Variants in CASK observed in about 807,000 individuals in gnomAD.
CASK encodes the protein calcium/calmodulin dependent serine protein kinase.
CASK carries 4 observed loss-of-function variants against 82.9 expected under a neutral mutation model. The ratio of observed to expected loss-of-function variants is 0.05; its 90% CI spans 0.02 to 0.11. The LOEUF (loss-of-function observed/expected upper bound fraction) is 0.11. CASK is among the 10% of genes least tolerant of loss of function. The probability of loss-of-function intolerance (pLI) is 1.00; values close to 1 mark genes in which losing one functional copy is unlikely to be tolerated. For synonymous variants in CASK, 259 were observed against 253.5 expected (o/e 1.02, Z -0.20); for missense variants, 358 against 720.9 (o/e 0.50, Z 5.76).
At position 41,531,093 on chromosome X, in the gene CASK, C is replaced by T. The variant is rs1235769310; in HGVS notation, c.2434G>A (p.Glu812Lys). ...AGTTTTGTCCCATACATCGCATCCT[C>T]GTGGCTGCCGTACTCCAAGTACTCG... ...NNEYLEYGSH[E>K]DAMYGTKLET... The change falls in exon 25 of 27, where the codon GAG becomes AAG. Residue 812 changes from glutamate (E) to lysine (K), a missense_variant. Around this residue, in one of 5 missense-constraint regions of CASK, gnomAD observed 118 missense variants for 169.4 expected, o/e 0.70. Coordinates refer to ENST00000378163, the MANE Select transcript of CASK (RefSeq NM_001367721.1). The T allele has an allele frequency of 8.3e-7, 1 of 1,210,359 alleles. No individual in the cohort carries two copies. Among genetic ancestry groups the T allele is most frequent in the Non-Finnish European group, 1.1e-6 (1 of 894,166 alleles).
intron 8 of CASK, among the ~76,000 whole-genome samples, chrX:41,641,992 G>A (rs1176655759): frequency 2.8e-5 from 3 of 106,160 alleles, no homozygotes; most frequent in African/African-American, 1.0e-4. Flanking sequence ...GAGAACATGT[G>A]GTGTTTGGTT....
intron 12 of CASK, among the ~76,000 whole-genome samples, chrX:41,598,431 A>G (rs2065852978): frequency 9.0e-6 from 1 of 111,199 alleles, no homozygotes; most frequent in African/African-American, 3.3e-5. Flanking sequence ...GGCTTACTGC[A>G]ACCTCCGCCT....
At chrX:41,663,072 A>C (rs958957361) in intron 7 of CASK, among the ~76,000 whole-genome samples, 4 of 110,584 alleles carry the variant, frequency 3.6e-5, no homozygotes, top group Non-Finnish European at 5.7e-5. Context: ...TCCTGAGCTC[A>C]AGTGAGCCCA....
intron 2 of CASK, among the ~76,000 whole-genome samples, chrX:41,817,283 C>G (rs1043759724): frequency 2.7e-5 from 3 of 112,016 alleles, no homozygotes; most frequent in Non-Finnish European, 5.6e-5. Context: ...GGTAAACAAT[C>G]TAATGTTTTT....
chrX:41,531,291 G>A (rs1009049426), intron 24 of CASK, 82 bp from the exon 25 acceptor site: 6 of 766,033 alleles, frequency 7.8e-6, no homozygotes, highest in Admixed American at 2.2e-5. Context: ...CTCAAACCCA[G>A]TCTCTTCCTA....
intron 5 of CASK, chrX:41,689,821 A>G (rs1004677277): frequency 8.9e-6 from 1 of 111,967 alleles, no homozygotes; most frequent in African/African-American, 3.2e-5. Flanking sequence ...AAAGGTTGCG[A>G]CTATTACCAA....
In CASK at chrX:41,665,281, T is replaced by C. The variant is rs2067098758; in HGVS notation, c.704A>G (p.Tyr235Cys). The change falls in exon 7 of 27, where the codon TAT becomes TGT. Residue 235 changes from tyrosine (Y) to cysteine (C), a missense_variant. By Grantham distance (194) the Tyr-to-Cys change is radical (BLOSUM62 -2). This residue lies in a region of CASK where 70 missense variants were observed against 228.4 expected (regional missense o/e 0.31). Transcript: ENST00000378163. ...RLFEGIIKGKYKMNPRQWSHI... is the reference protein window; with the variant it reads ...RLFEGIIKGKCKMNPRQWSHI... Reference sequence around the variant, plus strand: ...AAAATGTTCATGATGCATTACCTTATATTTTCCTTTAATAATGCCTTCAAA... The same window carrying C: ...AAAATGTTCATGATGCATTACCTTACATTTTCCTTTAATAATGCCTTCAAA... The C allele has an allele frequency of 3.4e-6, 4 of 1,190,152 alleles. No homozygotes were observed. Among genetic ancestry groups the C allele is most frequent in the Non-Finnish European group, 3.4e-6 (3 of 876,873 alleles).
chrX:41,669,047 T>C (rs535560787), intron 6 of CASK, among the ~76,000 whole-genome samples: 2 of 111,723 alleles, frequency 1.8e-5, no homozygotes, highest in Non-Finnish European at 3.8e-5. Context: ...ATTTCAAAAG[T>C]ACCTTAAACA....
chrX:41,683,320 C>G (rs193260597), intron 5 of CASK: 1 of 111,404 alleles, frequency 9.0e-6, no homozygotes, highest in East Asian at 2.8e-4. Flanking sequence ...TGGTACCCCC[C>G]TCCCGGGAGA....
At chrX:41,631,614 A>G (rs1347715662) in intron 9 of CASK, among the ~76,000 whole-genome samples, 1 of 109,640 alleles carries the variant, frequency 9.1e-6, no homozygotes. Flanking sequence ...GATTACAAAC[A>G]TGTGCCACCA....
intron 9 of CASK, among the ~76,000 whole-genome samples, chrX:41,630,552 C>T (rs1182492816): frequency 9.0e-6 from 1 of 111,638 alleles, no homozygotes; most frequent in Non-Finnish European, 1.9e-5. Flanking sequence ...AGGCAATACA[C>T]AGTCATGGCA....
At chrX:41,636,289 T>C (rs2066554668) in intron 9 of CASK, among the ~76,000 whole-genome samples, 1 of 112,187 alleles carries the variant, frequency 8.9e-6, no homozygotes, top group South Asian at 3.6e-4. Context: ...TCTAGATTCA[T>C]ATTCAATAAT....
At chrX:41,867,516 T>C (rs1300869253) in intron 1 of CASK, among the ~76,000 whole-genome samples, 2 of 112,548 alleles carry the variant, frequency 1.8e-5, no homozygotes, top group Non-Finnish European at 3.8e-5. Flanking sequence ...TAAAATCATA[T>C]AACATGTTAA....
chrX:41,833,608 C>T (rs1223280388), intron 2 of CASK, among the ~76,000 whole-genome samples: 4 of 111,539 alleles, frequency 3.6e-5, no homozygotes, highest in African/African-American at 6.5e-5. Context: ...CTGAATTATA[C>T]AACTTAAAGG....
chrX:41,586,269 A>G (rs1320380166), intron 14 of CASK: 1 of 112,356 alleles, frequency 8.9e-6, no homozygotes, highest in African/African-American at 3.2e-5. Context: ...CTTTTCACAT[A>G]TTTTTCACAT....
At chrX:41,521,105 CCAA>C (rs1369345864) in intron 26 of CASK, among the ~76,000 whole-genome samples, 2 of 112,654 alleles carry the variant, frequency 1.8e-5, no homozygotes, top group Non-Finnish European at 3.8e-5. Flanking sequence ...TGTGTTTGCA[CCAA>C]CAAGTCCCTG....
At chrX:41,875,769 T>C (rs1282768006) in intron 1 of CASK, among the ~76,000 whole-genome samples, 3 of 111,584 alleles carry the variant, frequency 2.7e-5, no homozygotes, top group Non-Finnish European at 3.8e-5. Context: ...TAATACAATT[T>C]GATACTTTAA....
At chrX:41,803,586 T>A (rs758663782) in intron 2 of CASK, among the ~76,000 whole-genome samples, 1 of 111,100 alleles carries the variant, frequency 9.0e-6, no homozygotes, top group Admixed American at 9.6e-5. Flanking sequence ...AGCGAGACTG[T>A]CTCAAAAACA....
intron 5 of CASK, chrX:41,728,689 C>T (rs867487050): frequency 8.1e-6 from 1 of 122,781 alleles, no homozygotes; most frequent in East Asian, 2.8e-4. Context: ...TTGCAGTGAG[C>T]GGAGATCGTG....
Sources: allele counts gnomAD v4.1 joint callset (sites outside exome capture counted in the v4.1 genomes callset), GRCh38; gene constraint gnomAD v4.1.1; regional missense constraint gnomAD v4.1.1; transcripts MANE v1.5; gene names NCBI Gene and HGNC (gene_info 2026-07-23, HGNC 2026-07-21).